XPNPEP3: variants seen among roughly 807,000 people sequenced by gnomAD.
XPNPEP3 encodes the protein xaa-Pro aminopeptidase 3.
In XPNPEP3, 41 loss-of-function variants were observed where a neutral mutation model predicts 60.0. That is an observed-to-expected ratio of 0.68 (90% confidence interval 0.53 to 0.89). The LOEUF (loss-of-function observed/expected upper bound fraction) is 0.89, where lower values mean the gene tolerates loss of function less well. XPNPEP3 is among the 40% of genes least tolerant of loss of function. XPNPEP3 has a pLI of 0.00. For synonymous variants in XPNPEP3, 212 were observed against 223.2 expected (o/e 0.95, Z 0.45); for missense variants, 598 against 638.9 (o/e 0.94, Z 0.69).
At position 40,861,505 on chromosome 22, in the gene XPNPEP3, C is replaced by G. The variant is rs759749903; in HGVS notation, c.64+4260C>G. The G allele has an allele frequency of 3.7e-6, 6 of 1,613,996 alleles. No homozygotes were observed. The highest frequency in any genetic ancestry group is 2.2e-5 in the South Asian group (2 of 91,082). ...GAGAAAGAAGTAAGGCCTTCATGCC[C>G]CAATGAACCCTGTGATGTATATCCT... is the stretch of plus-strand genomic sequence containing the variant. On this transcript the variant is annotated intron_variant, in intron 1 of 9. Transcript: ENST00000357137.
intron 4 of XPNPEP3, among the ~76,000 whole-genome samples, chr22:40,905,856 G>A (rs1204853948): frequency 1.3e-5 from 2 of 151,814 alleles, no homozygotes; most frequent in Non-Finnish European, 2.9e-5. Context: ...GCAGTGGCAC[G>A]ATCTCGGCTC....
intron 4 of XPNPEP3, among the ~76,000 whole-genome samples, chr22:40,902,640 C>T (rs1373904160): frequency 6.6e-6 from 1 of 152,198 alleles, no homozygotes; most frequent in Non-Finnish European, 1.5e-5. Context: ...GCCTCGGCCT[C>T]CCAAAGTGTT....
At chr22:40,878,206 CAAA>C (rs201923483) in intron 2 of XPNPEP3, among the ~76,000 whole-genome samples, 9 of 108,212 alleles carry the variant, frequency 8.3e-5, no homozygotes, top group Non-Finnish European at 8.0e-5. Flanking sequence ...AGCTCTATCT[CAAA>C]AAAAAAAAAA....
chr22:40,858,800 G>C (rs2057922879), intron 1 of XPNPEP3, among the ~76,000 whole-genome samples: 1 of 152,074 alleles, frequency 6.6e-6, no homozygotes, highest in Non-Finnish European at 1.5e-5. Flanking sequence ...AAAGTGCTGG[G>C]ATTACAGGCG....
intron 5 of XPNPEP3, among the ~76,000 whole-genome samples, chr22:40,907,952 G>A (rs747572467): frequency 1.3e-5 from 2 of 152,202 alleles, no homozygotes; most frequent in Non-Finnish European, 2.9e-5. Flanking sequence ...TGGAGCTCAT[G>A]CCTGTAATCC....
intron 9 of XPNPEP3, among the ~76,000 whole-genome samples, chr22:40,925,504 A>G (rs967203171): frequency 2.0e-5 from 3 of 152,140 alleles, no homozygotes. Context: ...ATTTAGTTCA[A>G]TCTGTTTGGT....
chr22:40,891,825 A>T (rs2058089698), intron 4 of XPNPEP3, among the ~76,000 whole-genome samples: 1 of 152,160 alleles, frequency 6.6e-6, no homozygotes, highest in Admixed American at 6.5e-5. Context: ...GCATTGTTGG[A>T]GCTGTTAAAA....
At chr22:40,876,802 A>AT (rs976792499) in intron 2 of XPNPEP3, among the ~76,000 whole-genome samples, 2 of 152,202 alleles carry the variant, frequency 1.3e-5, no homozygotes, top group African/African-American at 4.8e-5. Context: ...TTCTCCTTAC[A>AT]TTTTTTATAA....
intron 1 of XPNPEP3, 37 bp downstream of exon 1, chr22:40,857,282 C>A (rs759932407): frequency 6.2e-7 from 1 of 1,612,294 alleles, no homozygotes; most frequent in South Asian, 1.1e-5. Context: ...CCCATGGTGT[C>A]CCCTGGAGGG....
chr22:40,908,391 C>T (rs1347708371), intron 5 of XPNPEP3, among the ~76,000 whole-genome samples: 2 of 152,064 alleles, frequency 1.3e-5, no homozygotes, highest in African/African-American at 4.8e-5. Context: ...CATGGTAGCA[C>T]ACCTGTAGTC....
Position 40,914,220 on chromosome 22 carries a change from C to T in XPNPEP3, c.970-19C>T, listed in dbSNP as rs1458664751. The T allele has an allele frequency of 3.7e-6, 6 of 1,606,320 alleles. No individual in the cohort carries two copies. Among genetic ancestry groups the T allele is most frequent in the Non-Finnish European group, 5.1e-6 (6 of 1,173,436 alleles). Reference sequence around the variant, plus strand: ...TAATCATGAGCTTATCCACTTTAACCTGTCTTACTTTGTTCCAGGATGGGG... The same window carrying T: ...TAATCATGAGCTTATCCACTTTAACTTGTCTTACTTTGTTCCAGGATGGGG... On this transcript the variant is annotated intron_variant, in intron 6 of 9. Transcript: ENST00000357137.
intron 8 of XPNPEP3, 119 bp from the exon 9 acceptor site, chr22:40,924,243 A>T: frequency 6.9e-7 from 1 of 1,441,892 alleles, no homozygotes; most frequent in Non-Finnish European, 9.7e-7. Context: ...GGAGGGATTA[A>T]ACTGAAGTGG....
intron 4 of XPNPEP3, among the ~76,000 whole-genome samples, chr22:40,898,618 C>T (rs953089516): frequency 6.6e-6 from 1 of 152,030 alleles, no homozygotes; most frequent in Non-Finnish European, 1.5e-5. Context: ...CTTTTTCATG[C>T]CCCATTTCTT....
chr22:40,871,215 T>G (rs564459342), intron 2 of XPNPEP3, among the ~76,000 whole-genome samples: 143 of 151,938 alleles, frequency 9.4e-4, no homozygotes, highest in African/African-American at 3.4e-3. Flanking sequence ...ATAAAAAAAA[T>G]TAGTGCTCCT....
intron 2 of XPNPEP3, among the ~76,000 whole-genome samples, chr22:40,877,556 C>T (rs971501924): frequency 6.6e-6 from 1 of 152,174 alleles, no homozygotes; most frequent in Non-Finnish European, 1.5e-5. Context: ...CCTGGAAGAG[C>T]TTTCCTTCTT....
At chr22:40,904,773 TA>T (rs1181118315) in intron 4 of XPNPEP3, among the ~76,000 whole-genome samples, 1 of 152,228 alleles carries the variant, frequency 6.6e-6, no homozygotes, top group Non-Finnish European at 1.5e-5. Flanking sequence ...TTAATTTTTT[TA>T]TTTTTTTTGA....
intron 4 of XPNPEP3, among the ~76,000 whole-genome samples, chr22:40,891,671 A>G (rs2058089147): frequency 6.6e-6 from 1 of 151,796 alleles, no homozygotes; most frequent in Non-Finnish European, 1.5e-5. Flanking sequence ...AAAAAAGGTT[A>G]CAAGGTTTGA....
chr22:40,927,874 C>CAAAAAAAAAAA lies in XPNPEP3; in HGVS notation c.*1447_*1457dup, dbSNP rs573345765. 5 of 55,426 alleles carry CAAAAAAAAAAA rather than the reference C, an allele frequency of 9.0e-5. No homozygotes were observed. Among genetic ancestry groups the CAAAAAAAAAAA allele is most frequent in the African/African-American group, 7.2e-5 (1 of 13,830 alleles). The allele number at this position is 55,426 out of a possible 1,614,324, so 3.4% of individuals were successfully genotyped here. ...TGGGTGACAGAGCGAGACTCCGTCT[C>CAAAAAAAAAAA]AAAAAAAAAAAAAAAAAAGAAAAAA... On this transcript the variant is annotated 3_prime_UTR_variant, in exon 10 of 10. Coordinates refer to ENST00000357137, the MANE Select transcript of XPNPEP3 (RefSeq NM_022098.4).
intron 1 of XPNPEP3, among the ~76,000 whole-genome samples, chr22:40,867,247 T>C (rs1212441941): frequency 1.3e-5 from 2 of 152,198 alleles, no homozygotes; most frequent in African/African-American, 4.8e-5. Flanking sequence ...ACACACTTAG[T>C]ACCAGAGAAG....
Sources: gnomAD v4.1 joint callset for allele counts (sites outside exome capture counted in the v4.1 genomes callset) on GRCh38, gnomAD v4.1.1 for gene constraint, MANE v1.5 for transcripts, NCBI Gene and HGNC (gene_info 2026-07-23, HGNC 2026-07-21) for gene names.